The following GAPVD1 variants were observed in gnomAD, a reference collection of about 807,000 sequenced individuals.
GAPVD1 encodes the protein GTPase activating protein and VPS9 domains 1.
In GAPVD1, 35 loss-of-function variants were observed where a neutral mutation model predicts 155.5. The observed-to-expected ratio is 0.23, with a 90% CI of 0.17 to 0.30. GAPVD1 has a LOEUF of 0.30. GAPVD1 is among the 10% of genes least tolerant of loss of function. GAPVD1 has a pLI of 1.00. For missense variants in GAPVD1, 1,429 were observed against 1,775.7 expected (o/e 0.80, Z 3.51); for synonymous variants, 636 against 619.7 (o/e 1.03, Z -0.39).
At chr9:125,346,307 A>G (rs1249219570) in intron 19 of GAPVD1, 2 of 192,080 alleles carry the variant, frequency 1.0e-5, no homozygotes, top group Non-Finnish European at 2.2e-5. Context: ...CTAGTGAGAT[A>G]GAATATGAAT....
chr9:125,343,194 C>CTT (rs775104266), intron 19 of GAPVD1, among the ~76,000 whole-genome samples: 2 of 142,028 alleles, frequency 1.4e-5, no homozygotes, highest in East Asian at 2.0e-4. Flanking sequence ...TGCAGGAACC[C>CTT]TTTTTTTTTT....
At chr9:125,297,097 C>G (rs1396675869) in intron 3 of GAPVD1, among the ~76,000 whole-genome samples, 2 of 152,178 alleles carry the variant, frequency 1.3e-5, no homozygotes, top group African/African-American at 4.8e-5. Flanking sequence ...AAGGGCATAG[C>G]TTAAATAATA....
rs548126441 is a variant in GAPVD1, at chr9:125,276,704, A to G, written c.-150+7720A>G. ...ACCCTGTCTCAAAACACACAAAGAA[A>G]TTTCAGATATGCTCATTGGAATGTG... On this transcript the variant is annotated intron_variant, in intron 2 of 27. Coordinates refer to ENST00000297933, the MANE Select transcript of GAPVD1 (RefSeq NM_001282680.3). Among the ~76,000 whole-genome samples the G allele has an allele frequency of 3.3e-5, 5 of 152,236 alleles. No individual in the cohort carries two copies. In the East Asian group the frequency reaches 9.7e-4, roughly 29 times the overall value.
intron 23 of GAPVD1, among the ~76,000 whole-genome samples, chr9:125,352,541 AG>A (rs1287481783): frequency 6.6e-6 from 1 of 152,246 alleles, no homozygotes; most frequent in African/African-American, 2.4e-5. Flanking sequence ...CCAAGTCCCT[AG>A]GCTGCACACA....
In GAPVD1 at chr9:125,346,805, C is replaced by T; in HGVS notation, c.3047-14C>T. ...CCCAAGGGGCTAATTCTCTCACTCT[C>T]CTTTCCCTTGCAGATGATCCCAGCC... On this transcript the variant is annotated splice_polypyrimidine_tract_variant and intron_variant, in intron 19 of 27. Transcript: ENST00000297933. 2 of 1,611,154 alleles carry T rather than the reference C, an allele frequency of 1.2e-6. No individual in the cohort carries two copies. The highest frequency in any genetic ancestry group is 1.7e-6 in the Non-Finnish European group (2 of 1,177,234).
chr9:125,326,899 A>G (rs1252800257), intron 12 of GAPVD1, among the ~76,000 whole-genome samples: 1 of 152,060 alleles, frequency 6.6e-6, no homozygotes, highest in African/African-American at 2.4e-5. Context: ...TGCAGGGCAT[A>G]GTATAAGTTC....
rs1223348727 is a variant in GAPVD1 at position 125,354,533 on chromosome 9, A to G, written c.3570-121A>G. The G allele has an allele frequency of 1.7e-5, 11 of 641,406 alleles. No homozygotes were observed. The East Asian group carries it at 2.6e-4, about 15-fold the overall frequency. The allele number at this position is 641,406 out of a possible 1,614,324, so 39.7% of individuals were successfully genotyped here. A position where few individuals can be genotyped will look rare whatever the true frequency, so the allele number is the denominator to read the frequency against. ...ATGTGCTACTGAAGAGAGCACAGAC[A>G]TGCTACTTTGTAAAACCAGTCTGTG... On this transcript the variant is annotated intron_variant, in intron 23 of 27. Coordinates refer to ENST00000297933, the MANE Select transcript of GAPVD1 (RefSeq NM_001282680.3).
intron 25 of GAPVD1, among the ~76,000 whole-genome samples, chr9:125,359,086 CT>C (rs1391000703): frequency 6.6e-6 from 1 of 152,156 alleles, no homozygotes; most frequent in South Asian, 2.1e-4. Context: ...CTTCCTCTCA[CT>C]TTTTCCCCCC....
chr9:125,348,057 T>G (rs933582699), intron 20 of GAPVD1, among the ~76,000 whole-genome samples: 1 of 152,120 alleles, frequency 6.6e-6, no homozygotes, highest in Non-Finnish European at 1.5e-5. Context: ...TTTGTTTTTG[T>G]TTTTGTTTTT....
Position 125,332,624 on chromosome 9 carries a change from C to T in GAPVD1, c.2423C>T (p.Thr808Ile), listed in dbSNP as rs777783070. ...ACTAGTCCAGACATGGATGAAATAACTCACGGTAAGAGGGGGAAATGAGGA... is the reference window on the plus strand; with the variant it reads ...ACTAGTCCAGACATGGATGAAATAATTCACGGTAAGAGGGGGAAATGAGGA... ...SVTSPDMDEI[T>I]HGAHQLTSPP... Residue 808 changes from threonine to isoleucine, a missense_variant, in exon 15 of 28, where the codon ACT (threonine) becomes ATT (isoleucine). By Grantham distance (89) the Thr-to-Ile change is moderately conservative. Around this residue, in one of 4 missense-constraint regions of GAPVD1, gnomAD observed 699 missense variants for 826.0 expected, o/e 0.85. Transcript: ENST00000297933. 1 of 1,608,054 alleles carries T rather than the reference C, an allele frequency of 6.2e-7. No homozygotes were observed. The highest frequency in any genetic ancestry group is 8.5e-7 in the Non-Finnish European group (1 of 1,177,864).
rs181809764 is a variant in GAPVD1 at position 125,350,855 on chromosome 9, G to C, written c.3552G>C (p.Ser1184=). The change falls in exon 23 of 28, where the codon TCG becomes TCC. Residue 1184 remains serine, a synonymous_variant. Transcript: ENST00000297933. ...DNRTCRKLLA[S]IAEDYRKRAP... is the part of the protein sequence containing the mutation. ...GGACTTGTAGGAAACTGCTGGCTTC[G>C]ATTGCTGAGGACTACAGGTAATATA... 1.2e-5 allele frequency: 20 copies of C among 1,613,454 alleles called. No individual in the cohort carries two copies. The East Asian group carries it at 2.2e-4, about 18-fold the overall frequency.
chr9:125,268,113 G>C (rs563228749), intron 1 of GAPVD1, among the ~76,000 whole-genome samples: 1 of 151,380 alleles, frequency 6.6e-6, no homozygotes, highest in African/African-American at 2.4e-5. Flanking sequence ...GTAGTGAGCC[G>C]AGATCACGCC....
chr9:125,293,849 ATTTT>A (rs1337062543), intron 2 of GAPVD1, among the ~76,000 whole-genome samples: 3 of 48,518 alleles, frequency 6.2e-5, no homozygotes, highest in South Asian at 6.5e-4. Flanking sequence ...ATAAAAATAT[ATTTT>A]ATATATATAT....
At chr9:125,290,483 T>C (rs1838397858) in intron 2 of GAPVD1, among the ~76,000 whole-genome samples, 1 of 152,162 alleles carries the variant, frequency 6.6e-6, no homozygotes, top group South Asian at 2.1e-4. Context: ...TCAATGTAAG[T>C]ATGATACTGT....
In GAPVD1 at chr9:125,337,429, A is replaced by G. The variant is rs1252034023; in HGVS notation, c.2715A>G (p.Ile905Met). ...TAGTTCGAAGCAGGAGCTCTGATAT[A>G]GTATCTTCTGTCCGGAGACCCATGA... The part of the protein sequence containing the change: ...ERLVRSRSSD[I>M]VSSVRRPMSD... Residue 905 changes from isoleucine to methionine, a missense_variant, in exon 17 of 28, where the codon ATA (isoleucine) becomes ATG (methionine). Ile to Met is a conservative substitution (Grantham distance 10, BLOSUM62 1). This residue lies in a region of GAPVD1 where 699 missense variants were observed against 826.0 expected (regional missense o/e 0.85). Transcript: ENST00000297933. 6 of 1,614,034 alleles carry G rather than the reference A, an allele frequency of 3.7e-6. No individual in the cohort carries two copies. Among genetic ancestry groups the G allele is most frequent in the East Asian group, 2.2e-5 (1 of 44,898 alleles).
chr9:125,302,457 C>G lies in GAPVD1; in HGVS notation c.660C>G (p.Asn220Lys). The G allele has an allele frequency of 3.1e-6, 5 of 1,613,738 alleles. No individual in the cohort carries two copies. The highest frequency in any genetic ancestry group is 4.2e-6 in the Non-Finnish European group (5 of 1,179,876). Residue 220 changes from asparagine (N) to lysine (K), a missense_variant, in exon 5 of 28, where the codon AAC becomes AAG. By Grantham distance (94) the Asn-to-Lys change is moderately conservative. Around this residue, in one of 4 missense-constraint regions of GAPVD1, gnomAD observed 628 missense variants for 733.4 expected, o/e 0.86. Transcript: ENST00000297933. ...EDEDHLETDPNKLIERFSPSQ... is the reference protein window; with the variant it reads ...EDEDHLETDPKKLIERFSPSQ... Reference sequence around the variant, plus strand: ...AAGATCACCTGGAAACAGATCCAAACAAGCTAATTGAGAGGTTCTCTCCAT... The same window carrying G: ...AAGATCACCTGGAAACAGATCCAAAGAAGCTAATTGAGAGGTTCTCTCCAT...
intron 1 of GAPVD1, among the ~76,000 whole-genome samples, chr9:125,262,797 T>C (rs1218782580): frequency 6.6e-6 from 1 of 152,208 alleles, no homozygotes; most frequent in Non-Finnish European, 1.5e-5. Context: ...ATTATTTTTA[T>C]TGACTGCTAA....
chr9:125,290,795 G>C (rs1440799737), intron 2 of GAPVD1, among the ~76,000 whole-genome samples: 1 of 152,052 alleles, frequency 6.6e-6, no homozygotes, highest in Non-Finnish European at 1.5e-5. Context: ...CCAGGAGTTT[G>C]AGACCAGCCT....
chr9:125,347,202 A>G (rs1422982351), intron 20 of GAPVD1, among the ~76,000 whole-genome samples: 1 of 152,142 alleles, frequency 6.6e-6, no homozygotes, highest in Non-Finnish European at 1.5e-5. Context: ...GAGTTGGGGC[A>G]TATTTTAATG....
Sources: gnomAD v4.1 joint callset for allele counts (sites outside exome capture counted in the v4.1 genomes callset) on GRCh38, gnomAD v4.1.1 for gene constraint, gnomAD v4.1.1 regional missense constraint, MANE v1.5 for transcripts, NCBI Gene and HGNC (gene_info 2026-07-23, HGNC 2026-07-21) for gene names.